The following EZH2 variants were observed in gnomAD, a reference collection of about 807,000 sequenced individuals.
EZH2 encodes histone-lysine N-methyltransferase EZH2.
In EZH2, 18 loss-of-function variants were observed where a neutral mutation model predicts 98.4. The ratio of observed to expected loss-of-function variants is 0.18; its 90% CI spans 0.13 to 0.27. The LOEUF is 0.27. Ranked by LOEUF, EZH2 falls within the 10% of genes least tolerant of loss-of-function variation. The probability of loss-of-function intolerance (pLI) is 1.00; values close to 1 mark genes in which losing one functional copy is unlikely to be tolerated. For missense variants in EZH2, 470 were observed against 935.1 expected, an observed-to-expected ratio of 0.50 and a Z score of 6.49; for synonymous variants, 338 against 312.3, an observed-to-expected ratio of 1.08 and a Z score of -0.87.
At chr7:148,877,063 AT>A (rs1454141264) in intron 1 of EZH2, among the ~76,000 whole-genome samples, 3 of 152,172 alleles carry the variant, frequency 2.0e-5, no homozygotes, top group Non-Finnish European at 1.5e-5. Context: ...AATATCAATT[AT>A]TTTTTAATAA....
intron 5 of EZH2, 74 bp from the exon 6 acceptor site, chr7:148,828,954 T>G: frequency 3.4e-6 from 5 of 1,460,968 alleles, no homozygotes; most frequent in Non-Finnish European, 4.6e-6. Context: ...TTTTTCTACT[T>G]GGACAAAACA....
At chr7:148,807,767 T>TGACTG (rs55877618) in intron 19 of EZH2, 61 bp from the exon 20 acceptor site, 2 of 1,112,534 alleles carry the variant, frequency 1.8e-6, no homozygotes, top group Non-Finnish European at 2.6e-6. Context: ...TGCTGAGACT[T>TGACTG]AACACAACAA....
chr7:148,833,349 C>T (rs1318961689), intron 3 of EZH2, among the ~76,000 whole-genome samples: 4 of 151,108 alleles, frequency 2.6e-5, no homozygotes, highest in African/African-American at 9.7e-5. Flanking sequence ...CCCAGCTACA[C>T]GGGAGGCTGA....
intron 1 of EZH2, among the ~76,000 whole-genome samples, chr7:148,856,985 T>C (rs1012579411): frequency 1.3e-5 from 2 of 152,152 alleles, no homozygotes; most frequent in African/African-American, 4.8e-5. Flanking sequence ...GAAACAGTAA[T>C]GTTTCTGTGA....
chr7:148,873,028 A>C (rs915300919), intron 1 of EZH2, among the ~76,000 whole-genome samples: 2 of 152,136 alleles, frequency 1.3e-5, no homozygotes, highest in African/African-American at 4.8e-5. Flanking sequence ...TAAAAAATGT[A>C]AAAAATTAGC....
intron 4 of EZH2, 74 bp downstream of exon 4, chr7:148,832,560 C>T: frequency 1.2e-6 from 1 of 812,204 alleles, no homozygotes; most frequent in Admixed American, 2.2e-5. Flanking sequence ...TTCACCTTGA[C>T]AATAAAATTA....
chr7:148,807,762 A>AGACTTGACTT (rs560966145), intron 19 of EZH2, 56 bp from the exon 20 acceptor site: 10 of 1,123,242 alleles, frequency 8.9e-6, no homozygotes, highest in African/African-American at 3.1e-5. Flanking sequence ...ACATGTGCTG[A>AGACTTGACTT]GACTTAACAC....
chr7:148,851,311 C>T (rs1325066566), intron 1 of EZH2, among the ~76,000 whole-genome samples: 1 of 152,144 alleles, frequency 6.6e-6, no homozygotes, highest in Non-Finnish European at 1.5e-5. Flanking sequence ...CAGCCTAAAA[C>T]TCAGTTTCCG....
intron 12 of EZH2, among the ~76,000 whole-genome samples, chr7:148,816,186 T>C (rs1804500946): frequency 2.6e-5 from 4 of 152,150 alleles, no homozygotes; most frequent in Admixed American, 2.6e-4. Flanking sequence ...GGTTCTACAT[T>C]TACAAATCAA....
intron 1 of EZH2, among the ~76,000 whole-genome samples, chr7:148,867,571 A>G (rs2129490193): frequency 6.6e-6 from 1 of 152,266 alleles, no homozygotes; most frequent in Non-Finnish European, 1.5e-5. Context: ...CCTTCCTGCT[A>G]TTTCCAGATT....
Position 148,811,009 on chromosome 7 carries a change from G to A in EZH2, c.1948-595C>T, listed in dbSNP as rs898719437. Among the ~76,000 whole-genome samples the A allele has an allele frequency of 8.6e-5, 13 of 151,970 alleles. No individual in the cohort carries two copies. The East Asian group carries it at 2.3e-3, about 27-fold the overall frequency. ...ATTTAAAAGGTGAATAACTAATGACGTTGTTGTTTCTAGGTCCTTATCAAC... is the reference window on the plus strand; with the variant it reads ...ATTTAAAAGGTGAATAACTAATGACATTGTTGTTTCTAGGTCCTTATCAAC... On this transcript the variant is annotated intron_variant, in intron 16 of 19. Coordinates refer to ENST00000320356, the MANE Select transcript of EZH2 (RefSeq NM_004456.5).
chr7:148,809,141 C>T lies in EZH2; in HGVS notation c.2125G>A (p.Gly709Ser), dbSNP rs1451278890. ...NCYAKVMMVN[G>S]DHRIGIFAKR... ...GCAAAAATACCTATCCTGTGATCAC[C>T]GTTAACCATCATAACTGCAAAGAGA... Residue 709 changes from glycine to serine, a missense_variant, in exon 19 of 20, where the codon GGT (glycine) becomes AGT (serine). Transcript: ENST00000320356. 3 of 1,614,146 alleles carry T rather than the reference C, an allele frequency of 1.9e-6. No individual in the cohort carries two copies. The highest frequency in any genetic ancestry group is 8.5e-7 in the Non-Finnish European group (1 of 1,180,002).
At chr7:148,834,350 TATACACACACAC>T (rs1563259959) in intron 3 of EZH2, among the ~76,000 whole-genome samples, 2 of 81,972 alleles carry the variant, frequency 2.4e-5, no homozygotes, top group African/African-American at 8.3e-5. Flanking sequence ...TATATATATA[TATACACACACAC>T]ACACACACAC....
chr7:148,867,265 G>T (rs1818686506), intron 1 of EZH2, among the ~76,000 whole-genome samples: 1 of 152,030 alleles, frequency 6.6e-6, no homozygotes, highest in South Asian at 2.1e-4. Flanking sequence ...GGCGGAGGTT[G>T]CAGTGGGCCG....
chr7:148,830,720 AGAG>A (rs1171808461), intron 4 of EZH2, among the ~76,000 whole-genome samples: 2 of 152,242 alleles, frequency 1.3e-5, no homozygotes, highest in African/African-American at 2.4e-5. Context: ...GGAAGACAAC[AGAG>A]AAGAAAGAAG....
At chr7:148,883,489 T>A (rs1256774383) in intron 1 of EZH2, 1 of 151,090 alleles carries the variant, frequency 6.6e-6, no homozygotes, top group Non-Finnish European at 1.5e-5. Flanking sequence ...CTACTCCGAG[T>A]TCCCCGCCGC....
At chr7:148,818,769 A>C (rs565995701) in intron 9 of EZH2, among the ~76,000 whole-genome samples, 59 of 152,340 alleles carry the variant, frequency 3.9e-4, no homozygotes, top group South Asian at 1.2e-3. Flanking sequence ...ATCCAGTCTC[A>C]AAGTATAAAA....
At chr7:148,858,170 T>C (rs1817122500) in intron 1 of EZH2, among the ~76,000 whole-genome samples, 1 of 151,912 alleles carries the variant, frequency 6.6e-6, no homozygotes, top group South Asian at 2.1e-4. Flanking sequence ...CGGGCACCTG[T>C]AGTCCCAGCT....
intron 1 of EZH2, among the ~76,000 whole-genome samples, chr7:148,867,164 T>C (rs1449432766): frequency 6.6e-6 from 1 of 151,674 alleles, no homozygotes; most frequent in Non-Finnish European, 1.5e-5. Context: ...CTGTCTCTAC[T>C]AAAAATACAA....
Sources: gnomAD v4.1 joint callset for allele counts (sites outside exome capture counted in the v4.1 genomes callset) on GRCh38, gnomAD v4.1.1 for gene constraint, MANE v1.5 for transcripts, NCBI Gene and HGNC (gene_info 2026-07-23, HGNC 2026-07-21) for gene names.